Variants in SLC26A5 observed in about 807,000 individuals in gnomAD.
SLC26A5 encodes the protein solute carrier family 26 member 5.
A neutral mutation model predicts 81.0 loss-of-function variants in SLC26A5; 51 were observed. The ratio of observed to expected loss-of-function variants is 0.63; its 90% CI spans 0.50 to 0.80. SLC26A5 has a LOEUF of 0.80. Ranked by LOEUF, SLC26A5 falls within the 30% of genes least tolerant of loss-of-function variation. The pLI, the probability that SLC26A5 is intolerant of heterozygous loss-of-function variation, is 0.00. For synonymous variants in SLC26A5, 325 were observed against 332.8 expected (o/e 0.98, Z 0.25); for missense variants, 771 against 905.8 (o/e 0.85, Z 1.91).
chr7:103,440,399 A>G (rs1826793881), intron 2 of SLC26A5, among the ~76,000 whole-genome samples: 1 of 152,234 alleles, frequency 6.6e-6, no homozygotes, highest in Non-Finnish European at 1.5e-5. Context: ...GACTAGCACA[A>G]CACTATTCTT....
At chr7:103,381,827 C>T (rs1821819701) in intron 14 of SLC26A5, among the ~76,000 whole-genome samples, 1 of 150,864 alleles carries the variant, frequency 6.6e-6, no homozygotes, top group African/African-American at 2.4e-5. Context: ...AGACACAATA[C>T]ACACAACACA....
intron 12 of SLC26A5, among the ~76,000 whole-genome samples, chr7:103,389,725 C>A (rs1193408603): frequency 6.6e-6 from 1 of 152,152 alleles, no homozygotes. Flanking sequence ...CAGGTTCAAG[C>A]AATTCTCCTG....
chr7:103,427,202 T>G (rs1825767026), intron 2 of SLC26A5, among the ~76,000 whole-genome samples: 1 of 151,634 alleles, frequency 6.6e-6, no homozygotes, highest in South Asian at 2.1e-4. Context: ...GCCTCCCGAG[T>G]AGCTGGGATT....
At chr7:103,406,139 C>G (rs187246531) in intron 8 of SLC26A5, among the ~76,000 whole-genome samples, 1 of 152,282 alleles carries the variant, frequency 6.6e-6, no homozygotes, top group Non-Finnish European at 1.5e-5. Flanking sequence ...ATCCGCTGAG[C>G]TAGACCACTT....
chr7:103,438,750 A>G (rs1301907139), intron 2 of SLC26A5, among the ~76,000 whole-genome samples: 12 of 152,170 alleles, frequency 7.9e-5, no homozygotes, highest in Admixed American at 2.0e-4. Flanking sequence ...AGAATCTTTC[A>G]TTATCTAGAA....
At chr7:103,378,899 A>G (rs1821562285) in intron 16 of SLC26A5, among the ~76,000 whole-genome samples, 1 of 152,086 alleles carries the variant, frequency 6.6e-6, no homozygotes, top group African/African-American at 2.4e-5. Context: ...TGAGTTCTAA[A>G]CATGACCAAA....
intron 15 of SLC26A5, among the ~76,000 whole-genome samples, chr7:103,379,714 G>A (rs906117369): frequency 6.6e-6 from 1 of 152,114 alleles, no homozygotes; most frequent in Non-Finnish European, 1.5e-5. Context: ...GACTGTGAGA[G>A]GCAGGCAAAT....
chr7:103,392,491 A>G (rs1056040589), intron 10 of SLC26A5, among the ~76,000 whole-genome samples: 3 of 152,252 alleles, frequency 2.0e-5, no homozygotes, highest in Admixed American at 1.3e-4. Flanking sequence ...GAATAAGTAC[A>G]TGCTTCAGAT....
At chr7:103,362,695 A>G (rs778472421) in intron 19 of SLC26A5, 2 of 1,604,506 alleles carry the variant, frequency 1.2e-6, no homozygotes, top group South Asian at 2.2e-5. Context: ...GCGTGGATAG[A>G]AATAAATATC....
chr7:103,365,673 T>C (rs1268321731), intron 19 of SLC26A5, among the ~76,000 whole-genome samples: 3 of 151,970 alleles, frequency 2.0e-5, no homozygotes, highest in African/African-American at 7.3e-5. Context: ...CTCACGTCTG[T>C]AATCCCAGCA....
chr7:103,364,265 T>C, intron 19 of SLC26A5: 1 of 1,614,210 alleles, frequency 6.2e-7, no homozygotes, highest in Non-Finnish European at 8.5e-7. Flanking sequence ...CGTGCTTCAT[T>C]CGAGTTATTG....
At chr7:103,381,012 TAC>T (rs1235914850) in intron 14 of SLC26A5, among the ~76,000 whole-genome samples, 6 of 150,470 alleles carry the variant, frequency 4.0e-5, no homozygotes, top group African/African-American at 1.5e-4. Flanking sequence ...CACACATGCA[TAC>T]ACACACAATG....
chr7:103,393,242 T>A (rs1822818365), intron 9 of SLC26A5, among the ~76,000 whole-genome samples, 176 bp from the exon 10 acceptor site: 2 of 152,134 alleles, frequency 1.3e-5, no homozygotes, highest in African/African-American at 4.8e-5. Context: ...GCAGAGAAAT[T>A]CTTTTCAGGC....
At chr7:103,358,023 A>G (rs1031889814) in intron 19 of SLC26A5, among the ~76,000 whole-genome samples, 2 of 151,998 alleles carry the variant, frequency 1.3e-5, no homozygotes, top group Non-Finnish European at 2.9e-5. Flanking sequence ...TACCCTGGAG[A>G]TTGCCCTTTA....
intron 2 of SLC26A5, among the ~76,000 whole-genome samples, chr7:103,429,375 C>T (rs1175270763): frequency 6.6e-6 from 1 of 152,124 alleles, no homozygotes; most frequent in Non-Finnish European, 1.5e-5. Flanking sequence ...TTTCACATGA[C>T]TTCTCTATGG....
chr7:103,444,005 T>C (rs768818261), intron 1 of SLC26A5, among the ~76,000 whole-genome samples: 4 of 152,188 alleles, frequency 2.6e-5, no homozygotes, highest in Non-Finnish European at 5.9e-5. Context: ...TAGAATACAA[T>C]TGTTTTCAAG....
chr7:103,397,652 G>T (rs1823241621), intron 9 of SLC26A5, among the ~76,000 whole-genome samples: 1 of 150,774 alleles, frequency 6.6e-6, no homozygotes, highest in Non-Finnish European at 1.5e-5. Flanking sequence ...GGGAGACGGA[G>T]GTTGCAGTGA....
intron 19 of SLC26A5, 65 bp from the exon 20 acceptor site, chr7:103,374,657 A>AG (rs1821220833): frequency 2.7e-6 from 4 of 1,485,674 alleles, no homozygotes; most frequent in Non-Finnish European, 3.7e-6. Context: ...ATTAAAAAAA[A>AG]GTAACACTTC....
intron 2 of SLC26A5, among the ~76,000 whole-genome samples, chr7:103,427,606 T>G (rs970154581): frequency 6.6e-6 from 1 of 152,204 alleles, no homozygotes; most frequent in Non-Finnish European, 1.5e-5. Flanking sequence ...TAACAACATT[T>G]TAAACTTCAG....
Sources: gnomAD v4.1 joint callset for allele counts (sites outside exome capture counted in the v4.1 genomes callset) on GRCh38, gnomAD v4.1.1 for gene constraint, MANE v1.5 for transcripts, NCBI Gene and HGNC (gene_info 2026-07-23, HGNC 2026-07-21) for gene names.